SAMD4A: variants seen among roughly 807,000 people sequenced by gnomAD.
The protein encoded by SAMD4A is protein Smaug homolog 1.
Under a neutral mutation model 81.3 loss-of-function variants are expected in SAMD4A, and 33 were observed. The observed-to-expected ratio is 0.41, with a 90% CI of 0.31 to 0.54. SAMD4A has a LOEUF of 0.54. Ranked by LOEUF, SAMD4A falls within the 20% of genes least tolerant of loss-of-function variation. SAMD4A has a pLI of 0.37. For synonymous variants in SAMD4A, 389 were observed against 382.1 expected, an observed-to-expected ratio of 1.02 and a Z score of -0.21; for missense variants, 854 against 951.1, an observed-to-expected ratio of 0.90 and a Z score of 1.34.
chr14:54,695,897 G>A (rs527307492), intron 2 of SAMD4A, among the ~76,000 whole-genome samples: 7 of 144,652 alleles, frequency 4.8e-5, no homozygotes, highest in African/African-American at 1.8e-4. Context: ...AGGTTACAGT[G>A]AGCCAAGACC....
intron 6 of SAMD4A, among the ~76,000 whole-genome samples, chr14:54,755,232 T>A (rs556717310): frequency 3.3e-5 from 5 of 152,060 alleles, no homozygotes; most frequent in Non-Finnish European, 7.4e-5. Flanking sequence ...GTCATAGTAT[T>A]TGGGGACAGA....
chr14:54,637,368 A>AC (rs2035060220), intron 2 of SAMD4A, among the ~76,000 whole-genome samples: 1 of 117,498 alleles, frequency 8.5e-6, no homozygotes, highest in African/African-American at 2.9e-5. Context: ...TCCATCTCAA[A>AC]AAAAAAAAAA....
chr14:54,592,225 T>C (rs969425323), intron 2 of SAMD4A, among the ~76,000 whole-genome samples: 16 of 152,222 alleles, frequency 1.1e-4, no homozygotes, highest in African/African-American at 3.9e-4. Flanking sequence ...TCTGGTAGCA[T>C]TGAGTACCTT....
upstream of SAMD4A, among the ~76,000 whole-genome samples, chr14:54,566,045 A>T (rs2032920664): frequency 6.6e-6 from 1 of 151,774 alleles, no homozygotes; most frequent in Non-Finnish European, 1.5e-5. Flanking sequence ...GCTCCCTGCC[A>T]AGCCCATGAT....
At chr14:54,705,152 G>A (rs2036820986) in intron 3 of SAMD4A, among the ~76,000 whole-genome samples, 1 of 151,312 alleles carries the variant, frequency 6.6e-6, no homozygotes, top group South Asian at 2.1e-4. Context: ...CCTGGTTGCA[G>A]CAGCAACAGT....
chr14:54,735,547 C>A (rs2037671380), intron 3 of SAMD4A, among the ~76,000 whole-genome samples: 1 of 152,212 alleles, frequency 6.6e-6, no homozygotes, highest in Non-Finnish European at 1.5e-5. Context: ...CCCCACTTCA[C>A]ATACAAGGCT....
chr14:54,576,936 C>G lies in SAMD4A; in HGVS notation c.196+8824C>G, dbSNP rs538772479. ...ATGGAATGTGACTTAGCCTGGGGTC[C>G]CCAAGAAGGCAGAGCCTGAGGCAAG... is the stretch of plus-strand genomic sequence containing the variant. On this transcript the variant is annotated intron_variant, in intron 2 of 12. Coordinates refer to ENST00000554335, the MANE Select transcript of SAMD4A (RefSeq NM_015589.6). Among the ~76,000 whole-genome samples the G allele has an allele frequency of 5.9e-5, 9 of 152,290 alleles. No homozygotes were observed. The East Asian group carries it at 1.7e-3, about 29-fold the overall frequency.
chr14:54,737,544 T>TC (rs1446222462), intron 4 of SAMD4A, among the ~76,000 whole-genome samples: 304 of 53,916 alleles, frequency 5.6e-3, no homozygotes, highest in Middle Eastern at 0.04. Context: ...CTCTCTCTCT[T>TC]TTTTTTTTTT....
At chr14:54,607,941 G>C (rs1222903427) in intron 2 of SAMD4A, among the ~76,000 whole-genome samples, 1 of 150,684 alleles carries the variant, frequency 6.6e-6, no homozygotes, top group Non-Finnish European at 1.5e-5. Flanking sequence ...ACTTGAACCC[G>C]GGAGGCAGAG....
At chr14:54,697,867 G>T (rs2036614695) in intron 2 of SAMD4A, among the ~76,000 whole-genome samples, 2 of 152,174 alleles carry the variant, frequency 1.3e-5, no homozygotes, top group Non-Finnish European at 2.9e-5. Context: ...TGGCAACTTG[G>T]TGCTAGGTAT....
At chr14:54,671,155 A>C (rs983067373) in intron 2 of SAMD4A, among the ~76,000 whole-genome samples, 4 of 152,236 alleles carry the variant, frequency 2.6e-5, no homozygotes, top group Non-Finnish European at 4.4e-5. Context: ...TCGTAAGAGA[A>C]AGATCACTGA....
chr14:54,725,519 T>C (rs1266927675), intron 3 of SAMD4A, among the ~76,000 whole-genome samples: 1 of 152,244 alleles, frequency 6.6e-6, no homozygotes, highest in Non-Finnish European at 1.5e-5. Context: ...TGTAAATCTG[T>C]GAAACACTAT....
At chr14:54,718,204 G>A (rs1347108958) in intron 3 of SAMD4A, among the ~76,000 whole-genome samples, 1 of 152,228 alleles carries the variant, frequency 6.6e-6, no homozygotes, top group Non-Finnish European at 1.5e-5. Context: ...CTGCATGTCT[G>A]CGTGTGAGCT....
Position 54,568,197 on chromosome 14 carries a change from G to A in SAMD4A, c.196+85G>A, listed in dbSNP as rs2033001506. On this transcript the variant is annotated intron_variant, in intron 2 of 12. Transcript: ENST00000554335. The stretch of plus-strand genomic sequence containing the variant: ...CTTCTCTGCCTCGGGCCAGGCCGAG[G>A]CCAGTCCCTGCCAGCCGCGCCGGGA... 2.4e-6 allele frequency: 3 copies of A among 1,229,776 alleles called. No individual in the cohort carries two copies. In the South Asian group the frequency reaches 5.3e-5, roughly 22 times the overall value. 76.2% of individuals were successfully genotyped at this position (1,229,776 alleles called of 1,614,324 possible). A position where few individuals can be genotyped will look rare whatever the true frequency, so the allele number is the denominator to read the frequency against.
intron 2 of SAMD4A, among the ~76,000 whole-genome samples, chr14:54,696,520 A>T (rs1475416724): frequency 6.6e-6 from 1 of 152,250 alleles, no homozygotes; most frequent in African/African-American, 2.4e-5. Flanking sequence ...TGCGCTTGTG[A>T]GAAACCCTTT....
At chr14:54,697,203 G>A (rs1457730182) in intron 2 of SAMD4A, among the ~76,000 whole-genome samples, 1 of 152,150 alleles carries the variant, frequency 6.6e-6, no homozygotes, top group African/African-American at 2.4e-5. Flanking sequence ...ACGCTTGTCA[G>A]CACCCTGGGG....
intron 3 of SAMD4A, among the ~76,000 whole-genome samples, chr14:54,711,735 G>T (rs1434451579): frequency 6.6e-6 from 1 of 152,038 alleles, no homozygotes; most frequent in Non-Finnish European, 1.5e-5. Flanking sequence ...TTTATGGAAA[G>T]GATGGCTGCT....
At chr14:54,665,630 G>C (rs1350203130) in intron 2 of SAMD4A, among the ~76,000 whole-genome samples, 1 of 152,340 alleles carries the variant, frequency 6.6e-6, no homozygotes, top group South Asian at 2.1e-4. Context: ...ATTCAGAGCA[G>C]ATGGTGGGAA....
Position 54,603,453 on chromosome 14 carries a change from C to T in SAMD4A, c.196+35341C>T, listed in dbSNP as rs542270983. Among the ~76,000 whole-genome samples the T allele has an allele frequency of 4.8e-4, 73 of 152,316 alleles. 1 individual carries two copies. The South Asian group carries it at 0.015, about 30-fold the overall frequency. On this transcript the variant is annotated intron_variant, in intron 2 of 12. Transcript: ENST00000554335. ...ACTCAACAATAGCTACCTCTTGCTTCAAGATAGTAGGAACTGATCAGCTTA... is the reference window on the plus strand; with the variant it reads ...ACTCAACAATAGCTACCTCTTGCTTTAAGATAGTAGGAACTGATCAGCTTA...
Sources: allele counts gnomAD v4.1 joint callset (sites outside exome capture counted in the v4.1 genomes callset), GRCh38; gene constraint gnomAD v4.1.1; transcripts MANE v1.5; gene names NCBI Gene and HGNC (gene_info 2026-07-23, HGNC 2026-07-21).